Variants in SLC4A10 observed in about 807,000 individuals in gnomAD.
SLC4A10 encodes the protein solute carrier family 4 member 10, also known as sodium-driven chloride bicarbonate exchanger.
Under a neutral mutation model 137.7 loss-of-function variants are expected in SLC4A10, and 42 were observed. The ratio of observed to expected loss-of-function variants is 0.30; its 90% confidence interval spans 0.24 to 0.39. The LOEUF is 0.39. SLC4A10 is among the 10% of genes least tolerant of loss of function. The probability of loss-of-function intolerance (pLI) is 1.00; values close to 1 mark genes in which losing one functional copy is unlikely to be tolerated. For synonymous variants in SLC4A10, 474 were observed against 464.1 expected, an observed-to-expected ratio of 1.02 and a Z score of -0.27; for missense variants, 925 against 1,355.0, an observed-to-expected ratio of 0.68 and a Z score of 4.98.
chr2:161,977,720 A>G lies in SLC4A10; in HGVS notation c.3345-2A>G. 6.3e-7 allele frequency: 1 copy of G among 1,599,520 alleles called. No individual in the cohort carries two copies. The highest frequency in any genetic ancestry group is 8.5e-7 in the Non-Finnish European group (1 of 1,174,840). ...ATTTTTATATTACATTTTTGTCATA[A>G]GCTCCCCTTCCTAATCACTCTAGAA... On this transcript the variant is annotated splice_acceptor_variant, in intron 25 of 26. Transcript: ENST00000446997. LOFTEE classifies it high-confidence loss of function.
chr2:161,932,386 G>A (rs921792049), intron 15 of SLC4A10, among the ~76,000 whole-genome samples: 3 of 152,168 alleles, frequency 2.0e-5, no homozygotes, highest in Non-Finnish European at 1.5e-5. Flanking sequence ...TGGGTATAAT[G>A]TATAAGCCTC....
chr2:161,839,706 T>A, intron 3 of SLC4A10, 83 bp from the exon 4 acceptor site: 1 of 1,504,030 alleles, frequency 6.6e-7, no homozygotes, highest in Non-Finnish European at 9.1e-7. Flanking sequence ...CTTGGGGTGG[T>A]GCTGAAGGCA....
chr2:161,632,979 T>C (rs1241648411), intron 1 of SLC4A10, among the ~76,000 whole-genome samples: 1 of 151,742 alleles, frequency 6.6e-6, no homozygotes, highest in South Asian at 2.1e-4. Context: ...ACCTATTACT[T>C]TGCAATATTG....
At chr2:161,806,560 A>C (rs192403256) in intron 3 of SLC4A10, among the ~76,000 whole-genome samples, 5 of 152,138 alleles carry the variant, frequency 3.3e-5, no homozygotes, top group Admixed American at 1.3e-4. Context: ...CATCTCTCTC[A>C]AGTTCAAAGT....
intron 8 of SLC4A10, among the ~76,000 whole-genome samples, chr2:161,875,807 T>A (rs115736098): frequency 0.016 from 2,423 of 152,302 alleles, 65 homozygotes; most frequent in African/African-American, 0.055. Flanking sequence ...CCTCATTTAG[T>A]CAGCAAGAAA....
chr2:161,874,117 A>G, intron 8 of SLC4A10, 112 bp downstream of exon 8: 3 of 1,108,934 alleles, frequency 2.7e-6, no homozygotes, highest in Non-Finnish European at 3.9e-6. Context: ...CTGCCACTCT[A>G]AGAACTATCT....
At chr2:161,730,524 G>A (rs2046711379) in intron 1 of SLC4A10, among the ~76,000 whole-genome samples, 1 of 152,088 alleles carries the variant, frequency 6.6e-6, no homozygotes, top group Admixed American at 6.5e-5. Context: ...TCCTGAGAAT[G>A]TAAGGTGGTC....
At chr2:161,691,017 T>C (rs2041933749) in intron 1 of SLC4A10, among the ~76,000 whole-genome samples, 1 of 152,118 alleles carries the variant, frequency 6.6e-6, no homozygotes, top group Non-Finnish European at 1.5e-5. Context: ...AATATGGACA[T>C]TAATTTGATT....
intron 15 of SLC4A10, among the ~76,000 whole-genome samples, chr2:161,911,082 T>C (rs1009925632): frequency 6.6e-6 from 1 of 151,894 alleles, no homozygotes; most frequent in Non-Finnish European, 1.5e-5. Flanking sequence ...TATCACTTAA[T>C]GATAATGGTA....
In SLC4A10 at chr2:161,839,934, A is replaced by T. The variant is rs1468812683; in HGVS notation, c.416+7A>T. On this transcript the variant is annotated splice_region_variant and intron_variant, in intron 4 of 26. Coordinates refer to ENST00000446997, the MANE Select transcript of SLC4A10 (RefSeq NM_001178015.2). ...AGTGGCGAGAAACAGCCAGGTGAGGATTTTTGTTAAAGGGTGAAGGTATAC... is the reference window on the plus strand; with the variant it reads ...AGTGGCGAGAAACAGCCAGGTGAGGTTTTTTGTTAAAGGGTGAAGGTATAC... 1 of 1,613,702 alleles carries T rather than the reference A, an allele frequency of 6.2e-7. No homozygotes were observed. Among genetic ancestry groups the T allele is most frequent in the Non-Finnish European group, 8.5e-7 (1 of 1,179,718 alleles).
At chr2:161,737,884 A>C (rs1238304604) in intron 1 of SLC4A10, among the ~76,000 whole-genome samples, 2 of 152,170 alleles carry the variant, frequency 1.3e-5, no homozygotes, top group African/African-American at 4.8e-5. Flanking sequence ...AACAAAGGGG[A>C]TAGAACACGA....
Position 161,678,538 on chromosome 2 carries a change from A to G in SLC4A10, c.48+53972A>G, listed in dbSNP as rs75697144. Among the ~76,000 whole-genome samples the G allele has an allele frequency of 9.0e-4, 137 of 152,316 alleles. 2 individuals carry two copies. In the East Asian group the frequency reaches 0.021, roughly 23 times the overall value. Reference sequence around the variant, plus strand: ...TATGCGTGCATGTGAATGTTCACATATACATATGCCTATGTAGCCATCACT... The same window carrying G: ...TATGCGTGCATGTGAATGTTCACATGTACATATGCCTATGTAGCCATCACT... On this transcript the variant is annotated intron_variant, in intron 1 of 26. Transcript: ENST00000446997.
chr2:161,671,432 T>A (rs1475805859), intron 1 of SLC4A10, among the ~76,000 whole-genome samples: 1 of 152,178 alleles, frequency 6.6e-6, no homozygotes, highest in South Asian at 2.1e-4. Context: ...ACGGAGACAA[T>A]CAGTTGATGT....
At chr2:161,761,730 A>G (rs1361230843) in intron 1 of SLC4A10, among the ~76,000 whole-genome samples, 1 of 152,142 alleles carries the variant, frequency 6.6e-6, no homozygotes, top group Non-Finnish European at 1.5e-5. Context: ...AGCAACCGTC[A>G]GAAGTATAAC....
In SLC4A10 at chr2:161,889,292, C is replaced by T. The variant is rs191776826; in HGVS notation, c.1195-5387C>T. On this transcript the variant is annotated intron_variant, in intron 10 of 26. Transcript: ENST00000446997. ...GTTTTGGTATCAGGATGATGCTGGC[C>T]TCATGAAATGAGTTAGGGAGGAGTC... Among the ~76,000 whole-genome samples the T allele has an allele frequency of 1.6e-3, 242 of 152,244 alleles. 1 individual carries two copies. The highest frequency in any genetic ancestry group is 5.6e-3 in the African/African-American group (231 of 41,544).
In SLC4A10 at chr2:161,983,196, A is replaced by G. The variant is rs1042520242; in HGVS notation, c.*44A>G. On this transcript the variant is annotated 3_prime_UTR_variant, in exon 27 of 27. Transcript: ENST00000446997. ...TTCTGTAGCATTGAAAGCCGAAAAG[A>G]GAAGAAAGCTGACTCAGGGAAAGGT... 7 of 1,536,642 alleles carry G rather than the reference A, an allele frequency of 4.6e-6. No homozygotes were observed. The African/African-American group carries it at 6.8e-5, about 15-fold the overall frequency.
At chr2:161,835,570 A>C (rs1575193266) in intron 3 of SLC4A10, among the ~76,000 whole-genome samples, 1 of 152,348 alleles carries the variant, frequency 6.6e-6, no homozygotes, top group African/African-American at 2.4e-5. Context: ...CCCTACAGGC[A>C]GTTATCCCTA....
At chr2:161,635,860 T>C (rs1310039710) in intron 1 of SLC4A10, among the ~76,000 whole-genome samples, 1 of 152,156 alleles carries the variant, frequency 6.6e-6, no homozygotes. Flanking sequence ...AAAATTGATA[T>C]GAATGGTCTG....
intron 3 of SLC4A10, among the ~76,000 whole-genome samples, chr2:161,822,661 T>A (rs932629156): frequency 6.6e-6 from 1 of 152,176 alleles, no homozygotes; most frequent in African/African-American, 2.4e-5. Flanking sequence ...GTAGTTTTTG[T>A]ATATTATGTA....
Sources: gnomAD v4.1 joint callset for allele counts (sites outside exome capture counted in the v4.1 genomes callset) on GRCh38, gnomAD v4.1.1 for gene constraint, MANE v1.5 for transcripts, NCBI Gene and HGNC (gene_info 2026-07-23, HGNC 2026-07-21) for gene names.